The following LUZP2 variants were observed in gnomAD, a reference collection of about 807,000 sequenced individuals.
The protein encoded by LUZP2 is leucine zipper protein 2.
A neutral mutation model predicts 51.6 loss-of-function variants in LUZP2; 52 were observed. That is an observed-to-expected ratio of 1.01 (90% CI 0.81 to 1.27). The LOEUF is 1.27. Among genes scored for constraint, LUZP2 ranks in the 50% most tolerant of loss-of-function variants. LUZP2 has a pLI of 0.00. For missense variants in LUZP2, 436 were observed against 395.4 expected (o/e 1.10, Z -0.87); for synonymous variants, 154 against 137.3 (o/e 1.12, Z -0.85).
intron 1 of LUZP2, among the ~76,000 whole-genome samples, chr11:24,560,977 A>G (rs919797634): frequency 6.6e-6 from 1 of 152,034 alleles, no homozygotes; most frequent in Non-Finnish European, 1.5e-5. Flanking sequence ...TTGGGATATG[A>G]GCTTATTAGA....
intron 5 of LUZP2, among the ~76,000 whole-genome samples, chr11:24,856,184 T>C (rs1399872709): frequency 6.6e-6 from 1 of 151,598 alleles, no homozygotes; most frequent in African/African-American, 2.4e-5. Context: ...TGAAAGAAAA[T>C]ATTTGCAAAC....
intron 5 of LUZP2, among the ~76,000 whole-genome samples, chr11:24,872,211 A>G (rs1392533102): frequency 6.6e-6 from 1 of 152,110 alleles, no homozygotes; most frequent in East Asian, 1.9e-4. Flanking sequence ...AATTTTTCTC[A>G]GTCTTTACTT....
chr11:24,568,482 G>T (rs1331655684), intron 1 of LUZP2, among the ~76,000 whole-genome samples: 1 of 151,736 alleles, frequency 6.6e-6, no homozygotes, highest in Admixed American at 6.6e-5. Flanking sequence ...CTATTAGGCA[G>T]ATATAACAAT....
intron 1 of LUZP2, among the ~76,000 whole-genome samples, chr11:24,697,073 G>A (rs537260471): frequency 9.9e-5 from 15 of 152,116 alleles, no homozygotes; most frequent in Non-Finnish European, 1.9e-4. Context: ...AATGATTAAG[G>A]TCTGTTAAGG....
At chr11:24,613,005 A>G (rs900325051) in intron 1 of LUZP2, among the ~76,000 whole-genome samples, 1 of 152,122 alleles carries the variant, frequency 6.6e-6, no homozygotes, top group Non-Finnish European at 1.5e-5. Flanking sequence ...TGAAGAATCC[A>G]CAGGAAACAA....
intron 5 of LUZP2, among the ~76,000 whole-genome samples, chr11:24,900,306 T>G (rs1853236706): frequency 6.6e-6 from 1 of 152,188 alleles, no homozygotes; most frequent in African/African-American, 2.4e-5. Context: ...TCTAGGGTTT[T>G]TATTAAATAT....
intron 9 of LUZP2, among the ~76,000 whole-genome samples, chr11:25,019,337 A>C (rs141663406): frequency 9.2e-4 from 140 of 152,304 alleles, no homozygotes; most frequent in African/African-American, 3.1e-3. Context: ...AGAATCATAG[A>C]AATAATAAGT....
intron 1 of LUZP2, among the ~76,000 whole-genome samples, chr11:24,726,757 T>C (rs185143068): frequency 2.2e-4 from 34 of 152,200 alleles, no homozygotes. Context: ...CTCTAAGACA[T>C]ATGAAGCCAG....
intron 7 of LUZP2, among the ~76,000 whole-genome samples, chr11:24,975,832 G>C (rs527705131): frequency 1.6e-4 from 24 of 152,008 alleles, no homozygotes; most frequent in Non-Finnish European, 2.9e-4. Context: ...TGGTAGGATA[G>C]AGAAGTGTAT....
intron 5 of LUZP2, among the ~76,000 whole-genome samples, chr11:24,878,756 A>C (rs1010827523): frequency 1.3e-5 from 2 of 151,362 alleles, no homozygotes; most frequent in African/African-American, 4.9e-5. Flanking sequence ...CCCGTCCTCT[A>C]TGTTCCCTCC....
chr11:24,936,876 C>T (rs967064770), intron 7 of LUZP2, among the ~76,000 whole-genome samples: 2 of 152,104 alleles, frequency 1.3e-5, no homozygotes, highest in African/African-American at 4.8e-5. Flanking sequence ...TCATAACTAG[C>T]GTATCTTCCC....
intron 1 of LUZP2, among the ~76,000 whole-genome samples, chr11:24,691,223 A>T (rs2133888977): frequency 6.6e-6 from 1 of 152,110 alleles, no homozygotes; most frequent in Non-Finnish European, 1.5e-5. Context: ...GATATCTGGA[A>T]ATCTCAGTCA....
chr11:24,920,923 C>G (rs970019620), intron 7 of LUZP2, among the ~76,000 whole-genome samples: 3 of 151,964 alleles, frequency 2.0e-5, no homozygotes, highest in African/African-American at 7.3e-5. Flanking sequence ...CAAAATTGCA[C>G]TTACACCCCT....
At chr11:24,663,975 A>C (rs3922458) in intron 1 of LUZP2, among the ~76,000 whole-genome samples, 44,583 of 152,076 alleles carry the variant, frequency 0.29, 7,292 homozygotes, top group Admixed American at 0.4. Context: ...TAAATTACCC[A>C]GTCTTGGGTA....
chr11:24,649,816 G>T (rs1855570783), intron 1 of LUZP2, among the ~76,000 whole-genome samples: 1 of 151,820 alleles, frequency 6.6e-6, no homozygotes, highest in Non-Finnish European at 1.5e-5. Context: ...GGGATAATAG[G>T]ATTATTATTA....
chr11:25,044,257 G>GTGTATATA, intron 9 of LUZP2, among the ~76,000 whole-genome samples: 1 of 60,758 alleles, frequency 1.6e-5, no homozygotes, highest in African/African-American at 5.4e-5. Context: ...GTGTGTGTGT[G>GTGTATATA]TATATATATA....
chr11:24,924,117 C>T (rs1215003219), intron 7 of LUZP2, among the ~76,000 whole-genome samples: 1 of 149,596 alleles, frequency 6.7e-6, no homozygotes, highest in African/African-American at 2.5e-5. Context: ...CTCATTTTGT[C>T]GCCAGGCTGG....
At position 25,069,796 on chromosome 11, in the gene LUZP2, A is replaced by T. The variant is rs1322050337; in HGVS notation, c.859-7533A>T. 3.3e-5 allele frequency among the ~76,000 whole-genome samples: 5 copies of T among 151,504 alleles called. No homozygotes were observed. The East Asian group carries it at 5.8e-4, about 18-fold the overall frequency. On this transcript the variant is annotated intron_variant, in intron 10 of 11. Coordinates refer to ENST00000336930, the MANE Select transcript of LUZP2 (RefSeq NM_001009909.4). ...AGTTCTTTATTTGATTATACTATAA[A>T]TTTTTTCTTCAATTTATAATTTTTT...
At chr11:24,861,280 G>T (rs1265058952) in intron 5 of LUZP2, among the ~76,000 whole-genome samples, 1 of 152,068 alleles carries the variant, frequency 6.6e-6, no homozygotes, top group Non-Finnish European at 1.5e-5. Flanking sequence ...AATGAACAAA[G>T]CCTTCAAGAA....
Sources: allele counts gnomAD v4.1 joint callset (sites outside exome capture counted in the v4.1 genomes callset), GRCh38; gene constraint gnomAD v4.1.1; transcripts MANE v1.5; gene names NCBI Gene and HGNC (gene_info 2026-07-23, HGNC 2026-07-21).